Variants in F7 observed in about 807,000 individuals in gnomAD.
The protein encoded by F7 is coagulation factor VII.
In F7, 38 loss-of-function variants were observed where a neutral mutation model predicts 47.5. The ratio of observed to expected loss-of-function variants is 0.80; its 90% confidence interval spans 0.62 to 1.05. F7 has a LOEUF of 1.05. F7 is among the 50% of genes least tolerant of loss of function. The probability of loss-of-function intolerance (pLI) is 0.00; values close to 1 mark genes in which losing one functional copy is unlikely to be tolerated. For missense variants in F7, 575 were observed against 605.4 expected, an observed-to-expected ratio of 0.95 and a Z score of 0.53; for synonymous variants, 244 against 258.5, an observed-to-expected ratio of 0.94 and a Z score of 0.54.
At chr13:113,118,088 C>T (rs1048327510) in intron 7 of F7, among the ~76,000 whole-genome samples, 6 of 152,166 alleles carry the variant, frequency 3.9e-5, no homozygotes, top group East Asian at 3.9e-4. Context: ...ATGGGTGAGA[C>T]GAGCACTCCC....
chr13:113,110,636 C>G, intron 1 of F7, 54 bp from the exon 2 acceptor site: 1 of 1,545,772 alleles, frequency 6.5e-7, no homozygotes, highest in Non-Finnish European at 8.7e-7. Context: ...GGGCGGTCTC[C>G]GAGGCACTGG....
intron 6 of F7, among the ~76,000 whole-genome samples, 192 bp from the exon 7 acceptor site, chr13:113,117,281 C>T (rs12232033): frequency 6.6e-6 from 1 of 152,256 alleles, no homozygotes; most frequent in Non-Finnish European, 1.5e-5. Flanking sequence ...AAGAGCACGT[C>T]TCGGCTAGAG....
Position 113,110,763 on chromosome 13 carries a change from G to A in F7, c.138G>A (p.Leu46=). The A allele has an allele frequency of 6.5e-7, 1 of 1,549,680 alleles. No homozygotes were observed. Among genetic ancestry groups the A allele is most frequent in the Non-Finnish European group, 8.7e-7 (1 of 1,146,920 alleles). Residue 46 remains leucine, a synonymous_variant, in exon 2 of 8, where the codon CTG becomes CTA. Transcript: ENST00000346342. Reference sequence around the variant, plus strand: ...GCGCCAACGCGTTCCTGGAGGAGCTGCGGCCGGGCTCCCTGGAGAGGGAGT... The same window carrying A: ...GCGCCAACGCGTTCCTGGAGGAGCTACGGCCGGGCTCCCTGGAGAGGGAGT... ...RRRANAFLEE[L]RPGSLERECK...
At chr13:113,112,777 A>T (rs1410501188) in intron 2 of F7, among the ~76,000 whole-genome samples, 1 of 148,772 alleles carries the variant, frequency 6.7e-6, no homozygotes, top group Admixed American at 6.7e-5. Context: ...AGGTCACCTC[A>T]GTCTTACAGG....
In F7 at chr13:113,117,495, C is replaced by G; in HGVS notation, c.638C>G (p.Ala213Gly). The G allele has an allele frequency of 6.2e-7, 1 of 1,614,140 alleles. No individual in the cohort carries two copies. The highest frequency in any genetic ancestry group is 8.5e-7 in the Non-Finnish European group (1 of 1,180,012). Residue 213 changes from alanine to glycine, a missense_variant, in exon 7 of 8, where the codon GCT (alanine) becomes GGT (glycine). Transcript: ENST00000346342. ...CAGGTCCTGTTGTTGGTGAATGGAGCTCAGTTGTGTGGGGGGACCCTGATC... is the reference window on the plus strand; with the variant it reads ...CAGGTCCTGTTGTTGGTGAATGGAGGTCAGTTGTGTGGGGGGACCCTGATC... ...PWQVLLLVNG[A>G]QLCGGTLINT...
At chr13:113,109,920 C>T (rs111607063) in intron 1 of F7, among the ~76,000 whole-genome samples, 1 of 152,232 alleles carries the variant, frequency 6.6e-6, no homozygotes, top group Non-Finnish European at 1.5e-5. Flanking sequence ...TCGCCCTGGG[C>T]GTCTCTGGCC....
rs2036239981 is a variant in F7 at position 113,118,572 on chromosome 13, G to C, written c.899G>C (p.Cys300Ser). ...VVLTDHVVPL[C>S]LPERTFSERT... ...CTCACTGACCATGTGGTGCCCCTCT[G>C]CCTGCCCGAACGGACGTTCTCTGAG... The change falls in exon 8 of 8, where the codon TGC becomes TCC. Residue 300 changes from cysteine to serine, a missense_variant. By Grantham distance (112) the Cys-to-Ser change is moderately radical. Transcript: ENST00000346342. 1 of 1,612,550 alleles carries C rather than the reference G, an allele frequency of 6.2e-7. No homozygotes were observed. The highest frequency in any genetic ancestry group is 1.3e-5 in the African/African-American group (1 of 74,918).
Position 113,116,862 on chromosome 13 carries a change from A to G in F7, c.602A>G (p.Glu201Gly), listed in dbSNP as rs1406562161. ...GGGGGCAAGGTGTGCCCCAAAGGGGAGTGTCCATGGCAGGTAAGGCTTCCC... is the reference window on the plus strand; with the variant it reads ...GGGGGCAAGGTGTGCCCCAAAGGGGGGTGTCCATGGCAGGTAAGGCTTCCC... ...IVGGKVCPKG[E>G]CPWQVLLLVN... The change falls in exon 6 of 8, where the codon GAG (glutamate) becomes GGG (glycine). Residue 201 changes from glutamate to glycine, a missense_variant. By Grantham distance (98) the Glu-to-Gly change is moderately conservative (BLOSUM62 -2). Coordinates refer to ENST00000346342, the MANE Select transcript of F7 (RefSeq NM_019616.4). The G allele has an allele frequency of 1.2e-6, 2 of 1,613,182 alleles. No homozygotes were observed. Among genetic ancestry groups the G allele is most frequent in the African/African-American group, 2.7e-5 (2 of 74,930 alleles).
At chr13:113,112,655 A>G (rs1375700356) in intron 2 of F7, among the ~76,000 whole-genome samples, 2 of 145,228 alleles carry the variant, frequency 1.4e-5, no homozygotes, top group Admixed American at 6.8e-5. Context: ...CCTCACACCC[A>G]CAGGACACCT....
At position 113,113,969 on chromosome 13, in the gene F7, C is replaced by T. The variant is rs1449903664; in HGVS notation, c.364+9C>T. 2 of 1,613,648 alleles carry T rather than the reference C, an allele frequency of 1.2e-6. No homozygotes were observed. The highest frequency in any genetic ancestry group is 1.7e-6 in the Non-Finnish European group (2 of 1,180,030). Reference sequence around the variant, plus strand: ...CCGGAACTGTGAGACGCGTAAGGCCCCACTTTGGGTCCCATATTTGCAGAG... The same window carrying T: ...CCGGAACTGTGAGACGCGTAAGGCCTCACTTTGGGTCCCATATTTGCAGAG... On this transcript the variant is annotated intron_variant, in intron 4 of 7. Coordinates refer to ENST00000346342, the MANE Select transcript of F7 (RefSeq NM_019616.4). The surrounding 1 kb of genome is among the most constrained non-coding windows in gnomAD (Gnocchi z 4.1).
chr13:113,118,932 A>C lies in F7; in HGVS notation c.1259A>C (p.Gln420Pro). The C allele has an allele frequency of 6.2e-7, 1 of 1,610,684 alleles. No homozygotes were observed. The highest frequency in any genetic ancestry group is 8.5e-7 in the Non-Finnish European group (1 of 1,179,952). ...TTTGGGGTGTACACCAGGGTCTCCCAGTACATCGAGTGGCTGCAAAAGCTC... is the reference window on the plus strand; with the variant it reads ...TTTGGGGTGTACACCAGGGTCTCCCCGTACATCGAGTGGCTGCAAAAGCTC... ...GHFGVYTRVS[Q>P]YIEWLQKLMR... The change falls in exon 8 of 8, where the codon CAG becomes CCG. Residue 420 changes from glutamine (Q) to proline (P), a missense_variant. By Grantham distance (76) the Gln-to-Pro change is moderately conservative (BLOSUM62 -1). Transcript: ENST00000346342.
chr13:113,116,678 C>T (rs915487518), intron 5 of F7, 88 bp from the exon 6 acceptor site: 88 of 1,119,750 alleles, frequency 7.9e-5, no homozygotes, highest in Non-Finnish European at 8.9e-5. Context: ...CTCAAGGCCT[C>T]TCAGAGGATG....
chr13:113,107,343 G>GT (rs1290125208), intron 1 of F7, among the ~76,000 whole-genome samples: 6 of 59,378 alleles, frequency 1.0e-4, no homozygotes, highest in South Asian at 8.3e-4. Flanking sequence ...TGTCCCGGGG[G>GT]CGTGGGTGTC....
chr13:113,108,348 C>T (rs960769625), intron 1 of F7, among the ~76,000 whole-genome samples: 4 of 60,714 alleles, frequency 6.6e-5, no homozygotes, highest in Non-Finnish European at 9.9e-5. Context: ...GTTCCGGAGG[C>T]GAGGGTGTCC....
chr13:113,117,026 C>G, intron 6 of F7, 151 bp downstream of exon 6: 1 of 724,846 alleles, frequency 1.4e-6, no homozygotes. Context: ...GCTCGCGGCA[C>G]CCCCATGCTT....
intron 1 of F7, 56 bp downstream of exon 1, chr13:113,105,961 A>T: frequency 1.3e-6 from 2 of 1,500,832 alleles, no homozygotes; most frequent in Non-Finnish European, 1.8e-6. Flanking sequence ...GGGCAAATCC[A>T]GGAGCCAGCC....
chr13:113,110,443 C>G, intron 1 of F7: 1 of 466,078 alleles, frequency 2.1e-6, no homozygotes, highest in Non-Finnish European at 3.8e-6. Context: ...TCCGCGCGTG[C>G]CCCCGAGCGC....
At chr13:113,109,445 G>A (rs1372451505) in intron 1 of F7, among the ~76,000 whole-genome samples, 1 of 152,152 alleles carries the variant, frequency 6.6e-6, no homozygotes, top group African/African-American at 2.4e-5. Context: ...GGGCGTCGAC[G>A]TGTGAAACTG....
chr13:113,115,603 G>T, intron 4 of F7, 57 bp from the exon 5 acceptor site: 1 of 1,586,624 alleles, frequency 6.3e-7, no homozygotes, highest in Non-Finnish European at 8.6e-7. Context: ...CACCCCGGGG[G>T]CTGGCTCTCG....
Sources: allele counts gnomAD v4.1 joint callset (sites outside exome capture counted in the v4.1 genomes callset), GRCh38; gene constraint gnomAD v4.1.1; non-coding constraint Gnocchi (gnomAD v3.1); transcripts MANE v1.5; gene names NCBI Gene and HGNC (gene_info 2026-07-23, HGNC 2026-07-21).